B3GALT1: variants seen among roughly 807,000 people sequenced by gnomAD.
B3GALT1 encodes the protein UDP-Gal:betaGlcNAc beta 1,3-galactosyltransferase, polypeptide 1.
B3GALT1 carries 10 observed loss-of-function variants against 23.2 expected under a neutral mutation model. The observed-to-expected ratio is 0.43, with a 90% confidence interval of 0.27 to 0.73. B3GALT1 has a LOEUF of 0.73. Ranked by LOEUF, B3GALT1 falls within the 30% of genes least tolerant of loss-of-function variation. B3GALT1 has a pLI of 0.21. For missense variants in B3GALT1, 299 were observed against 405.4 expected, an observed-to-expected ratio of 0.74 and a Z score of 2.25; for synonymous variants, 156 against 141.5, an observed-to-expected ratio of 1.10 and a Z score of -0.73.
intron 4 of B3GALT1, among the ~76,000 whole-genome samples, chr2:167,864,671 G>A (rs1690174476): frequency 3.3e-5 from 5 of 152,210 alleles, no homozygotes; most frequent in Admixed American, 3.3e-4. Context: ...TGTCTCAACA[G>A]GCCTTAGGAA....
intron 2 of B3GALT1, among the ~76,000 whole-genome samples, chr2:167,538,068 C>T (rs1683459601): frequency 6.6e-6 from 1 of 151,986 alleles, no homozygotes; most frequent in Non-Finnish European, 1.5e-5. Flanking sequence ...GGTGATCCAC[C>T]CACTTTGGCC....
At chr2:167,738,594 T>G (rs1687527611) in intron 3 of B3GALT1, among the ~76,000 whole-genome samples, 1 of 152,220 alleles carries the variant, frequency 6.6e-6, no homozygotes, top group Non-Finnish European at 1.5e-5. Context: ...TACTAGTATC[T>G]TCTGTGTGAA....
chr2:167,867,564 G>A (rs1188396622), intron 4 of B3GALT1, among the ~76,000 whole-genome samples: 1 of 152,164 alleles, frequency 6.6e-6, no homozygotes, highest in Non-Finnish European at 1.5e-5. Context: ...TATTGTCTCT[G>A]CTGTTCACAT....
At chr2:167,693,159 A>T (rs1686740524) in intron 3 of B3GALT1, among the ~76,000 whole-genome samples, 1 of 151,914 alleles carries the variant, frequency 6.6e-6, no homozygotes. Flanking sequence ...CCGGTGCAAT[A>T]CCCTTTACAG....
At chr2:167,474,233 A>G (rs1210322727) in intron 1 of B3GALT1, among the ~76,000 whole-genome samples, 1 of 152,176 alleles carries the variant, frequency 6.6e-6, no homozygotes, top group African/African-American at 2.4e-5. Flanking sequence ...ATAAATTGCC[A>G]CACTACCAGC....
chr2:167,661,392 C>G (rs1349416913), intron 3 of B3GALT1, among the ~76,000 whole-genome samples: 1 of 152,024 alleles, frequency 6.6e-6, no homozygotes, highest in African/African-American at 2.4e-5. Context: ...CCCAAGAAAA[C>G]CAGTCTTTAG....
At chr2:167,516,075 TTTC>T (rs1397883641) in intron 2 of B3GALT1, among the ~76,000 whole-genome samples, 1 of 152,062 alleles carries the variant, frequency 6.6e-6, no homozygotes, top group Non-Finnish European at 1.5e-5. Flanking sequence ...TTTTCCCATT[TTTC>T]TTATTTTTTA....
chr2:167,823,806 C>T (rs1030756496), intron 4 of B3GALT1, among the ~76,000 whole-genome samples: 2 of 152,278 alleles, frequency 1.3e-5, no homozygotes, highest in East Asian at 1.9e-4. Flanking sequence ...TTCTCTGGTT[C>T]CTCTCTTGGA....
chr2:167,790,942 T>C (rs959670951), intron 3 of B3GALT1, among the ~76,000 whole-genome samples: 2 of 152,238 alleles, frequency 1.3e-5, no homozygotes, highest in Non-Finnish European at 2.9e-5. Context: ...TTCCTAGTTA[T>C]ATTATTACAT....
chr2:167,848,059 A>G (rs763751113), intron 4 of B3GALT1, among the ~76,000 whole-genome samples: 1 of 152,220 alleles, frequency 6.6e-6, no homozygotes, highest in African/African-American at 2.4e-5. Context: ...GATACCCTGA[A>G]CAGAACAATA....
At chr2:167,325,510 G>A (rs1056699564) in intron 1 of B3GALT1, among the ~76,000 whole-genome samples, 1 of 151,826 alleles carries the variant, frequency 6.6e-6, no homozygotes, top group Non-Finnish European at 1.5e-5. Context: ...CCACCAAGGG[G>A]GATGATGATA....
At chr2:167,568,443 G>A (rs560969844) in intron 2 of B3GALT1, among the ~76,000 whole-genome samples, 58 of 152,088 alleles carry the variant, frequency 3.8e-4, no homozygotes, top group Non-Finnish European at 6.5e-4. Context: ...TAATAGATAG[G>A]TAGTGGTCTC....
intron 4 of B3GALT1, chr2:167,862,702 T>C (rs1690127428): frequency 6.6e-6 from 1 of 152,208 alleles, no homozygotes; most frequent in Non-Finnish European, 1.5e-5. Flanking sequence ...ACCCACCCGC[T>C]CCTAGGCCTT....
At chr2:167,534,103 T>C (rs1362203363) in intron 2 of B3GALT1, among the ~76,000 whole-genome samples, 2 of 152,170 alleles carry the variant, frequency 1.3e-5, no homozygotes, top group Non-Finnish European at 2.9e-5. Context: ...ACAAAATATA[T>C]ATGGTGTATT....
chr2:167,631,769 CT>C (rs558837779), intron 2 of B3GALT1, among the ~76,000 whole-genome samples: 8,379 of 120,504 alleles, frequency 0.07, 713 homozygotes, highest in African/African-American at 0.24. Context: ...CTTTTCTTTT[CT>C]TTTTTTTTTT....
At chr2:167,522,429 C>T (rs1399984802) in intron 2 of B3GALT1, among the ~76,000 whole-genome samples, 1 of 151,942 alleles carries the variant, frequency 6.6e-6, no homozygotes, top group East Asian at 1.9e-4. Context: ...AACCATATAC[C>T]AGTGAAAATA....
chr2:167,322,144 A>G (rs1237956247), intron 1 of B3GALT1, among the ~76,000 whole-genome samples: 1 of 152,020 alleles, frequency 6.6e-6, no homozygotes. Flanking sequence ...ATATAAACAA[A>G]TTAATTTTTT....
intron 4 of B3GALT1, among the ~76,000 whole-genome samples, chr2:167,867,407 G>A (rs1690256092): frequency 6.6e-6 from 1 of 152,114 alleles, no homozygotes; most frequent in Non-Finnish European, 1.5e-5. Context: ...ATTATGGGTT[G>A]GATGAAGGCC....
intron 2 of B3GALT1, among the ~76,000 whole-genome samples, chr2:167,533,093 T>A (rs1035944987): frequency 6.6e-6 from 1 of 152,094 alleles, no homozygotes; most frequent in Admixed American, 6.5e-5. Context: ...ACACTTGACA[T>A]CAGGTGATCT....
Sources: gnomAD v4.1 joint callset for allele counts (sites outside exome capture counted in the v4.1 genomes callset) on GRCh38, gnomAD v4.1.1 for gene constraint, MANE v1.5 for transcripts, NCBI Gene and HGNC (gene_info 2026-07-23, HGNC 2026-07-21) for gene names.